MROH2B: variants seen among roughly 807,000 people sequenced by gnomAD.
MROH2B encodes maestro heat like repeat family member 2B, also known as maestro heat-like repeat-containing protein family member 2B.
MROH2B carries 177 observed loss-of-function variants against 208.6 expected under a neutral mutation model. That is an observed-to-expected ratio of 0.85 (90% CI 0.75 to 0.96). MROH2B has a LOEUF of 0.96. MROH2B is among the 40% of genes least tolerant of loss of function. The probability of loss-of-function intolerance (pLI) is 0.00; values close to 1 mark genes in which losing one functional copy is unlikely to be tolerated. For missense variants in MROH2B, 2,002 were observed against 1,878.7 expected, an observed-to-expected ratio of 1.07 and a Z score of -1.21; for synonymous variants, 728 against 659.0, an observed-to-expected ratio of 1.10 and a Z score of -1.60.
At chr5:41,062,514 A>G (rs990664889) in intron 5 of MROH2B, among the ~76,000 whole-genome samples, 4 of 152,348 alleles carry the variant, frequency 2.6e-5, no homozygotes, top group Non-Finnish European at 2.9e-5. Context: ...TTTTACTTCA[A>G]TAAAATTAAA....
rs923830716 is a variant in MROH2B at position 41,000,213 on chromosome 5, C to G, written c.4482+7G>C. The G allele has an allele frequency of 6.2e-7, 1 of 1,613,540 alleles. No individual in the cohort carries two copies. The highest frequency in any genetic ancestry group is 8.5e-7 in the Non-Finnish European group (1 of 1,179,682). On this transcript the variant is annotated splice_region_variant and intron_variant, in intron 39 of 41. Transcript: ENST00000399564. ...TTTTTTGGAGGCGGCATCTATTGGACACTCACCAGTTTCACACAGAATTGC... is the reference window on the plus strand; with the variant it reads ...TTTTTTGGAGGCGGCATCTATTGGAGACTCACCAGTTTCACACAGAATTGC...
intron 22 of MROH2B, 56 bp from the exon 23 acceptor site, chr5:41,033,216 T>G (rs994730175): frequency 5.0e-6 from 8 of 1,593,240 alleles, no homozygotes; most frequent in African/African-American, 1.3e-5. Flanking sequence ...CACTCAGGTC[T>G]ATTAACATGT....
intron 41 of MROH2B, among the ~76,000 whole-genome samples, chr5:40,998,410 T>A (rs1304282154): frequency 6.6e-6 from 1 of 152,220 alleles, no homozygotes; most frequent in Non-Finnish European, 1.5e-5. Flanking sequence ...CGTAGTCTAT[T>A]GGTGTTTCTG....
intron 37 of MROH2B, among the ~76,000 whole-genome samples, chr5:41,003,779 G>A (rs1415705053): frequency 6.6e-6 from 1 of 152,024 alleles, no homozygotes; most frequent in African/African-American, 2.4e-5. Flanking sequence ...CAAAATAATA[G>A]GTTTAGGTTA....
chr5:41,055,919 G>T, intron 9 of MROH2B, 64 bp from the exon 10 acceptor site: 1 of 1,129,186 alleles, frequency 8.9e-7, no homozygotes, highest in Non-Finnish European at 1.3e-6. Flanking sequence ...ACTTGTGAAT[G>T]GGAGGAGGGA....
intron 33 of MROH2B, among the ~76,000 whole-genome samples, chr5:41,008,008 T>C (rs891887584): frequency 6.6e-6 from 1 of 152,212 alleles, no homozygotes; most frequent in South Asian, 2.1e-4. Context: ...TCTTTAAAAA[T>C]GTTGCACTAT....
intron 18 of MROH2B, among the ~76,000 whole-genome samples, chr5:41,043,889 G>A (rs898921530): frequency 6.6e-6 from 1 of 151,980 alleles, no homozygotes; most frequent in African/African-American, 2.4e-5. Context: ...AGTTAGCTTG[G>A]GCTAGCTTGC....
intron 24 of MROH2B, among the ~76,000 whole-genome samples, chr5:41,025,893 A>ACATAACATAACATAAACATAAAC (rs1299570362): frequency 3.3e-5 from 5 of 152,218 alleles, no homozygotes; most frequent in Non-Finnish European, 7.3e-5. Context: ...TACACATATC[A>ACATAACATAACATAAACATAAAC]ATAAACATAA....
chr5:41,003,265 A>G (rs1741461686), intron 37 of MROH2B, among the ~76,000 whole-genome samples: 1 of 152,096 alleles, frequency 6.6e-6, no homozygotes, highest in South Asian at 2.1e-4. Context: ...CTGGCCTAAA[A>G]GTGATATTGG....
intron 21 of MROH2B, among the ~76,000 whole-genome samples, chr5:41,037,302 A>G (rs890855431): frequency 6.6e-6 from 1 of 152,210 alleles, no homozygotes; most frequent in Non-Finnish European, 1.5e-5. Context: ...GCTGGTCTCT[A>G]ATGATTGACC....
intron 28 of MROH2B, 25 bp downstream of exon 28, chr5:41,017,825 T>TG: frequency 6.4e-7 from 1 of 1,564,260 alleles, no homozygotes; most frequent in Non-Finnish European, 8.6e-7. Context: ...TTTCTTCATT[T>TG]GTGGGTTCCC....
intron 30 of MROH2B, among the ~76,000 whole-genome samples, 192 bp from the exon 31 acceptor site, chr5:41,010,271 A>C (rs1244927056): frequency 6.6e-6 from 1 of 152,224 alleles, no homozygotes; most frequent in East Asian, 1.9e-4. Context: ...TTCCTAATTA[A>C]ATTTAGGAAA....
intron 24 of MROH2B, among the ~76,000 whole-genome samples, chr5:41,024,669 T>C (rs1024725740): frequency 1.3e-5 from 2 of 152,186 alleles, no homozygotes; most frequent in Non-Finnish European, 2.9e-5. Context: ...TGAACTCAGC[T>C]CTGCACCAAG....
rs772393333 is a variant in MROH2B, at chr5:41,042,181, T to C, written c.1864A>G (p.Thr622Ala). Reference protein sequence around the residue: ...KKFLWKALGTTLACCQDSDFV... With the variant: ...KKFLWKALGTALACCQDSDFV... ...TCTGAATCTTGGCAGCATGCTAAGGTGGTTCCCAAGGCTTTCCAAAGGAAT... is the reference window on the plus strand; with the variant it reads ...TCTGAATCTTGGCAGCATGCTAAGGCGGTTCCCAAGGCTTTCCAAAGGAAT... The change falls in exon 19 of 42, where the codon ACC becomes GCC. Residue 622 changes from threonine (T) to alanine (A), a missense_variant. Transcript: ENST00000399564. 4 of 1,588,338 alleles carry C rather than the reference T, an allele frequency of 2.5e-6. No homozygotes were observed. The highest frequency in any genetic ancestry group is 3.4e-6 in the Non-Finnish European group (4 of 1,166,058).
In MROH2B at chr5:41,032,001, G is replaced by A. The variant is rs180710693; in HGVS notation, c.2441+741C>T. 1.8e-4 allele frequency among the ~76,000 whole-genome samples: 28 copies of A among 152,174 alleles called. No individual in the cohort carries two copies. In the East Asian group the frequency reaches 1.9e-3, roughly 10 times the overall value. ...GGATGGGCATCTAGGTTGATTTCAC[G>A]TCTTTGCTGCTGTGAATAGTGCTGC... On this transcript the variant is annotated intron_variant, in intron 24 of 41. Coordinates refer to ENST00000399564, the MANE Select transcript of MROH2B (RefSeq NM_173489.5).
chr5:41,016,846 C>A (rs1741972096), intron 28 of MROH2B, among the ~76,000 whole-genome samples: 1 of 152,056 alleles, frequency 6.6e-6, no homozygotes, highest in African/African-American at 2.4e-5. Context: ...AAACATATAT[C>A]TTTAATCAAT....
intron 24 of MROH2B, among the ~76,000 whole-genome samples, chr5:41,028,770 A>G (rs1742467212): frequency 1.3e-5 from 2 of 152,172 alleles, no homozygotes; most frequent in African/African-American, 4.8e-5. Context: ...TGCAATAAAT[A>G]TGGTGGTACA....
chr5:41,018,028 GTTCCC>G, intron 27 of MROH2B, 58 bp from the exon 28 acceptor site: 3 of 1,534,170 alleles, frequency 2.0e-6, no homozygotes, highest in Non-Finnish European at 2.6e-6. Flanking sequence ...ATCCCAGGAT[GTTCCC>G]AACACTGGAT....
At chr5:41,050,229 T>G (rs538191370) in intron 13 of MROH2B, among the ~76,000 whole-genome samples, 1 of 152,356 alleles carries the variant, frequency 6.6e-6, no homozygotes, top group South Asian at 2.1e-4. Flanking sequence ...GCTTAAAATT[T>G]TCATTGGTTT....
Sources: allele counts gnomAD v4.1 joint callset (sites outside exome capture counted in the v4.1 genomes callset), GRCh38; gene constraint gnomAD v4.1.1; transcripts MANE v1.5; gene names NCBI Gene and HGNC (gene_info 2026-07-23, HGNC 2026-07-21).